Variants in LRRC4C observed in about 807,000 individuals in gnomAD.
LRRC4C encodes leucine-rich repeat-containing protein 4C.
Under a neutral mutation model 33.6 loss-of-function variants are expected in LRRC4C, and 5 were observed. The ratio of observed to expected loss-of-function variants is 0.15; its 90% CI spans 0.08 to 0.31. LRRC4C has a LOEUF of 0.31. Among genes scored for constraint, LRRC4C ranks in the 10% least tolerant of loss-of-function variants. LRRC4C has a pLI of 1.00. For missense variants in LRRC4C, 560 were observed against 796.7 expected (o/e 0.70, Z 3.58); for synonymous variants, 329 against 302.0 (o/e 1.09, Z -0.93).
intron 1 of LRRC4C, among the ~76,000 whole-genome samples, chr11:41,115,245 C>G (rs1203984689): frequency 6.6e-6 from 1 of 151,968 alleles, no homozygotes; most frequent in African/African-American, 2.4e-5. Context: ...TGTTAATTAA[C>G]AAATTCTTGA....
At chr11:40,857,878 G>A (rs1360424764) in intron 2 of LRRC4C, among the ~76,000 whole-genome samples, 1 of 151,416 alleles carries the variant, frequency 6.6e-6, no homozygotes, top group African/African-American at 2.4e-5. Context: ...TTGTGCCACA[G>A]CACTCCAGCC....
intron 5 of LRRC4C, among the ~76,000 whole-genome samples, chr11:40,150,304 G>A (rs572084581): frequency 1.8e-4 from 27 of 152,340 alleles, no homozygotes; most frequent in African/African-American, 6.3e-4. Flanking sequence ...TCTGGCTTCT[G>A]GGGGCTAGTA....
intron 5 of LRRC4C, among the ~76,000 whole-genome samples, chr11:40,187,354 CAG>C (rs1861486768): frequency 6.8e-6 from 1 of 147,840 alleles, no homozygotes; most frequent in Admixed American, 6.8e-5. Context: ...GCTGCTGAAT[CAG>C]TGTTTTTCAT....
intron 1 of LRRC4C, among the ~76,000 whole-genome samples, chr11:40,965,497 T>A (rs2136925904): frequency 6.6e-6 from 1 of 152,304 alleles, no homozygotes; most frequent in South Asian, 2.1e-4. Context: ...TTTTTATGGT[T>A]TGAGGTCTGA....
intron 3 of LRRC4C, among the ~76,000 whole-genome samples, chr11:40,359,096 T>C (rs2137150804): frequency 6.6e-6 from 1 of 152,340 alleles, no homozygotes; most frequent in Non-Finnish European, 1.5e-5. Flanking sequence ...CTGGTGTTTC[T>C]CCCTTATGTA....
chr11:41,253,656 A>T (rs1389409109), intron 1 of LRRC4C, among the ~76,000 whole-genome samples: 1 of 152,130 alleles, frequency 6.6e-6, no homozygotes, highest in Non-Finnish European at 1.5e-5. Flanking sequence ...GCACAGTTCC[A>T]AATCTGTAAA....
At chr11:40,218,654 C>CTATCTATCTATCTATCT (rs71060948) in intron 5 of LRRC4C, among the ~76,000 whole-genome samples, 1 of 141,502 alleles carries the variant, frequency 7.1e-6, no homozygotes, top group Admixed American at 7.3e-5. Flanking sequence ...ATCTATCTAT[C>CTATCTATCTATCTATCT]ATCTATTGCC....
rs774561980 is a variant in LRRC4C, at chr11:41,180,582, G to A, written c.-495-246859C>T. On this transcript the variant is annotated intron_variant, in intron 1 of 6. Coordinates refer to ENST00000528697, the MANE Select transcript of LRRC4C (RefSeq NM_001258419.2). ...CAGGAGCAGAATTTAAATGTGTGTG[G>A]GTGTGTGTCTGTGCGCACATGCACG... is the stretch of plus-strand genomic sequence containing the variant. Among the ~76,000 whole-genome samples, 39 of 152,066 alleles carry A rather than the reference G, an allele frequency of 2.6e-4. 1 individual carries two copies. The highest frequency in any genetic ancestry group is 7.9e-4 in the Admixed American group (12 of 15,262).
chr11:40,240,277 A>C (rs1865845551), intron 5 of LRRC4C, among the ~76,000 whole-genome samples: 1 of 152,222 alleles, frequency 6.6e-6, no homozygotes, highest in African/African-American at 2.4e-5. Flanking sequence ...ACATTATATC[A>C]TTAGATCCTT....
chr11:41,022,549 G>T (rs1054335468), intron 1 of LRRC4C, among the ~76,000 whole-genome samples: 3 of 151,724 alleles, frequency 2.0e-5, no homozygotes. Flanking sequence ...ACCTACATCA[G>T]GGTGTTAGGT....
chr11:40,271,723 C>T (rs1590874602), intron 4 of LRRC4C, among the ~76,000 whole-genome samples: 3 of 152,212 alleles, frequency 2.0e-5, no homozygotes, highest in Admixed American at 6.5e-5. Flanking sequence ...CCCTGTCTAC[C>T]GATGTGGGTG....
chr11:40,818,249 G>T (rs928233100), intron 2 of LRRC4C, among the ~76,000 whole-genome samples: 5 of 151,972 alleles, frequency 3.3e-5, no homozygotes, highest in Non-Finnish European at 7.4e-5. Context: ...AATCATTCTT[G>T]TGACACAAAC....
At chr11:40,864,454 C>G (rs938192891) in intron 2 of LRRC4C, among the ~76,000 whole-genome samples, 1 of 152,182 alleles carries the variant, frequency 6.6e-6, no homozygotes, top group Non-Finnish European at 1.5e-5. Flanking sequence ...CACTTGTCAA[C>G]TCTGTGACTA....
At chr11:41,179,144 T>C (rs956535482) in intron 1 of LRRC4C, among the ~76,000 whole-genome samples, 2 of 150,692 alleles carry the variant, frequency 1.3e-5, no homozygotes, top group Admixed American at 6.6e-5. Context: ...ATGAGAGAGA[T>C]AAAACATGTA....
chr11:41,325,081 A>T (rs1951067920), intron 1 of LRRC4C, among the ~76,000 whole-genome samples: 1 of 152,232 alleles, frequency 6.6e-6, no homozygotes, highest in South Asian at 2.1e-4. Flanking sequence ...TTGCCTGGTT[A>T]TAAGATTTAA....
chr11:40,735,671 C>G (rs1393052488), intron 2 of LRRC4C, among the ~76,000 whole-genome samples: 2 of 135,242 alleles, frequency 1.5e-5, no homozygotes, highest in East Asian at 2.0e-4. Flanking sequence ...TGGGTATATA[C>G]CCAGTAATGG....
chr11:40,172,050 G>C (rs887900053), intron 5 of LRRC4C, among the ~76,000 whole-genome samples: 3 of 152,072 alleles, frequency 2.0e-5, no homozygotes, highest in Non-Finnish European at 2.9e-5. Flanking sequence ...GAGTCCGTTT[G>C]CTTTCTTCTG....
chr11:40,564,306 G>A (rs1200466927), intron 3 of LRRC4C, among the ~76,000 whole-genome samples: 1 of 152,148 alleles, frequency 6.6e-6, no homozygotes, highest in Non-Finnish European at 1.5e-5. Context: ...AAAGGAATGA[G>A]CAAAAAGGCT....
intron 2 of LRRC4C, among the ~76,000 whole-genome samples, chr11:40,708,400 C>T (rs1946280543): frequency 1.3e-5 from 2 of 152,126 alleles, no homozygotes; most frequent in African/African-American, 4.8e-5. Context: ...CCCAGAGATT[C>T]TGGTATGTTG....
Sources: allele counts gnomAD v4.1 joint callset (sites outside exome capture counted in the v4.1 genomes callset), GRCh38; gene constraint gnomAD v4.1.1; transcripts MANE v1.5; gene names NCBI Gene and HGNC (gene_info 2026-07-23, HGNC 2026-07-21).